INTS6L: variants seen among roughly 807,000 people sequenced by gnomAD.
The protein encoded by INTS6L is integrator complex subunit 6-like.
In INTS6L, 18 loss-of-function variants were observed where a neutral mutation model predicts 64.7. The ratio of observed to expected loss-of-function variants is 0.28; its 90% CI spans 0.19 to 0.41. The LOEUF (loss-of-function observed/expected upper bound fraction) is 0.41. Ranked by LOEUF, INTS6L falls within the 10% of genes least tolerant of loss-of-function variation. The probability of loss-of-function intolerance (pLI) is 1.00; values close to 1 mark genes in which losing one functional copy is unlikely to be tolerated. For synonymous variants in INTS6L, 227 were observed against 235.9 expected (o/e 0.96, Z 0.34); for missense variants, 533 against 661.0 (o/e 0.81, Z 2.12).
At position 135,521,283 on chromosome X, in the gene INTS6L, C is replaced by T. The variant is rs2085539458; in HGVS notation, c.154C>T (p.Leu52=). 2.5e-6 allele frequency: 3 copies of T among 1,207,962 alleles called. No homozygotes were observed. Among genetic ancestry groups the T allele is most frequent in the Non-Finnish European group, 3.4e-6 (3 of 893,729 alleles). Residue 52 remains leucine, a synonymous_variant, in exon 2 of 18, where the codon CTG becomes TTG. Transcript: ENST00000639893. ...DPASRGDRYM[L]VTYDEPPYCI... is the part of the protein sequence containing the mutation. ...GGCCAGCCGTGGAGACAGGTACATG[C>T]TGGTCACCTACGACGAACCCCCGTA...
At chrX:135,530,211 T>A (rs374246877) in intron 2 of INTS6L, among the ~76,000 whole-genome samples, 10 of 112,817 alleles carry the variant, frequency 8.9e-5, no homozygotes, top group Non-Finnish European at 1.9e-4. Context: ...GCTAGTGTTA[T>A]TATTTCTAAT....
chrX:135,559,047 T>A (rs1370691735), intron 9 of INTS6L, among the ~76,000 whole-genome samples: 1 of 111,556 alleles, frequency 9.0e-6, no homozygotes, highest in African/African-American at 3.3e-5. Context: ...CCTCCTAAAG[T>A]GCTGGGATTG....
chrX:135,522,915 T>C (rs1556498498), intron 2 of INTS6L, among the ~76,000 whole-genome samples: 1 of 112,452 alleles, frequency 8.9e-6, no homozygotes. Context: ...GTGATCATTT[T>C]TTTCCACATA....
intron 9 of INTS6L, among the ~76,000 whole-genome samples, chrX:135,560,265 C>G (rs1741648250): frequency 8.9e-6 from 1 of 111,921 alleles, no homozygotes; most frequent in African/African-American, 3.2e-5. Context: ...AATATTGTAT[C>G]CTGCAACTTT....
At position 135,577,186 on chromosome X, in the gene INTS6L, T is replaced by G; in HGVS notation, c.1885-7T>G. 8.3e-7 allele frequency: 1 copy of G among 1,209,322 alleles called. No individual in the cohort carries two copies. The highest frequency in any genetic ancestry group is 1.1e-6 in the Non-Finnish European group (1 of 893,853). On this transcript the variant is annotated splice_region_variant and splice_polypyrimidine_tract_variant and intron_variant, in intron 14 of 17. Transcript: ENST00000639893. Reference sequence around the variant, plus strand: ...TAATGAAATACGTTCATTTATGTGTTTTTTAGGGAATGATGATTGATGAAG... The same window carrying G: ...TAATGAAATACGTTCATTTATGTGTGTTTTAGGGAATGATGATTGATGAAG...
intron 2 of INTS6L, among the ~76,000 whole-genome samples, chrX:135,534,212 A>C (rs782617415): frequency 8.3e-5 from 9 of 109,021 alleles, no homozygotes; most frequent in African/African-American, 3.0e-4. Context: ...TTATATGCTT[A>C]AAAAACTTCA....
At chrX:135,572,671 G>A (rs184508738) in intron 11 of INTS6L, 144 bp from the exon 12 acceptor site, 2 of 500,796 alleles carry the variant, frequency 4.0e-6, no homozygotes, top group East Asian at 7.4e-5. Flanking sequence ...AAGAAGCACA[G>A]GAAAATGTTT....
At chrX:135,558,374 C>T (rs1327644630) in intron 9 of INTS6L, among the ~76,000 whole-genome samples, 1 of 111,128 alleles carries the variant, frequency 9.0e-6, no homozygotes, top group Non-Finnish European at 1.9e-5. Context: ...GCATTATTCA[C>T]AATAGCCAAA....
At chrX:135,537,988 T>C (rs2086099834) in intron 2 of INTS6L, among the ~76,000 whole-genome samples, 1 of 112,806 alleles carries the variant, frequency 8.9e-6, no homozygotes, top group Admixed American at 9.4e-5. Flanking sequence ...CATAATCTTT[T>C]TGCTGGTGGA....
intron 14 of INTS6L, 33 bp from the exon 15 acceptor site, chrX:135,577,160 T>C (rs782553987): frequency 1.2e-5 from 14 of 1,193,632 alleles, no homozygotes; most frequent in Non-Finnish European, 4.5e-6. Flanking sequence ...ATTTTGGTCT[T>C]TAATGAAATA....
Position 135,544,292 on chromosome X carries a change from C to T in INTS6L, c.190-1131C>T, listed in dbSNP as rs73559500. On this transcript the variant is annotated intron_variant, in intron 2 of 17. Transcript: ENST00000639893. ...AGGGTTCATAGCCAATAACCTGCCCCCTTTCTTACTTCCCAGTCATTCTAC... is the reference window on the plus strand; with the variant it reads ...AGGGTTCATAGCCAATAACCTGCCCTCTTTCTTACTTCCCAGTCATTCTAC... Among the ~76,000 whole-genome samples the T allele has an allele frequency of 1.4e-3, 161 of 112,309 alleles. 1 individual carries two copies. The highest frequency in any genetic ancestry group is 5.0e-3 in the African/African-American group (156 of 30,909).
chrX:135,560,284 C>A (rs1359998332), intron 9 of INTS6L, among the ~76,000 whole-genome samples: 3 of 112,076 alleles, frequency 2.7e-5, no homozygotes, highest in African/African-American at 9.7e-5. Context: ...TTACTGAGCT[C>A]ACTTATTAGT....
At chrX:135,545,385 T>C (rs1556514577) in intron 2 of INTS6L, 38 bp from the exon 3 acceptor site, 1 of 1,201,021 alleles carries the variant, frequency 8.3e-7, no homozygotes, top group Admixed American at 2.3e-5. Flanking sequence ...TTGTTCATTG[T>C]ATAATCAAGA....
intron 2 of INTS6L, among the ~76,000 whole-genome samples, chrX:135,543,576 G>A (rs782110718): frequency 1.2e-3 from 129 of 111,619 alleles, no homozygotes; most frequent in Non-Finnish European, 2.1e-3. Flanking sequence ...CCCCTCAAGA[G>A]CTAATTCCTC....
intron 14 of INTS6L, 152 bp from the exon 15 acceptor site, chrX:135,577,041 A>G (rs1028559873): frequency 4.2e-5 from 23 of 548,969 alleles, no homozygotes; most frequent in Non-Finnish European, 8.6e-6. Context: ...ATATTAGTTA[A>G]TCTGGCATGG....
intron 2 of INTS6L, among the ~76,000 whole-genome samples, chrX:135,538,696 C>A (rs953002394): frequency 8.9e-6 from 1 of 111,882 alleles, no homozygotes; most frequent in Admixed American, 9.5e-5. Flanking sequence ...TTCTTAATAG[C>A]CTTACAAAAT....
chrX:135,554,841 C>T (rs782114980), intron 8 of INTS6L, among the ~76,000 whole-genome samples: 1 of 96,048 alleles, frequency 1.0e-5, no homozygotes, highest in South Asian at 5.5e-4. Flanking sequence ...GAATTAAGAT[C>T]AATGTTTTAA....
intron 2 of INTS6L, 148 bp downstream of exon 2, chrX:135,521,466 C>G (rs1251361154): frequency 3.8e-6 from 2 of 530,804 alleles, no homozygotes; most frequent in Non-Finnish European, 5.7e-6. Flanking sequence ...GGAGTGGTGC[C>G]GTCGGCGGCT....
Position 135,572,928 on chromosome X carries a change from A to G in INTS6L, c.1512A>G (p.Lys504=). The change falls in exon 12 of 18, where the codon AAA becomes AAG. Residue 504 remains lysine (K), a synonymous_variant. Coordinates refer to ENST00000639893, the MANE Select transcript of INTS6L (RefSeq NM_001351601.3). ...GTGGCATGTCCTTGACTCACAATAAAAATTTTAGAAAACTATTGAAAGAAA... is the reference window on the plus strand; with the variant it reads ...GTGGCATGTCCTTGACTCACAATAAGAATTTTAGAAAACTATTGAAAGAAA... ...SGGGMSLTHN[K]NFRKLLKEIT... is the part of the protein sequence containing the mutation. 4 of 1,211,105 alleles carry G rather than the reference A, an allele frequency of 3.3e-6. No homozygotes were observed. In the South Asian group the frequency reaches 7.0e-5, roughly 21 times the overall value.
Sources: gnomAD v4.1 joint callset for allele counts (sites outside exome capture counted in the v4.1 genomes callset) on GRCh38, gnomAD v4.1.1 for gene constraint, MANE v1.5 for transcripts, NCBI Gene and HGNC (gene_info 2026-07-23, HGNC 2026-07-21) for gene names.